The following CAST variants were observed in gnomAD, a reference collection of about 807,000 sequenced individuals.
The protein encoded by CAST is MIR583 host.
A neutral mutation model predicts 119.6 loss-of-function variants in CAST; 76 were observed. The ratio of observed to expected loss-of-function variants is 0.64; its 90% CI spans 0.53 to 0.77. CAST has a LOEUF of 0.77. Ranked by LOEUF, CAST falls within the 30% of genes least tolerant of loss-of-function variation. The pLI is 0.00. For missense variants in CAST, 953 were observed against 946.5 expected (o/e 1.01, Z -0.09); for synonymous variants, 319 against 331.6 (o/e 0.96, Z 0.41).
At chr5:96,561,589 C>T (rs1198576014) in intron 1 of CAST, among the ~76,000 whole-genome samples, 1 of 151,562 alleles carries the variant, frequency 6.6e-6, no homozygotes, top group Non-Finnish European at 1.5e-5. Flanking sequence ...GGAGGGATAA[C>T]ATTAGGAGGA....
At chr5:96,486,710 G>GC in the CAST span, among the ~76,000 whole-genome samples, 2 of 151,736 alleles carry the variant, frequency 1.3e-5, no homozygotes, top group Non-Finnish European at 2.9e-5. Context: ...TGTGTTGGGG[G>GC]GGCAGATTCT....
At chr5:96,586,406 A>C (rs966391814) in intron 1 of CAST, among the ~76,000 whole-genome samples, 1 of 152,230 alleles carries the variant, frequency 6.6e-6, no homozygotes, top group Non-Finnish European at 1.5e-5. Context: ...TTTTTAATTT[A>C]GTGGTTGATA....
chr5:96,715,529 C>T (rs1165024349), intron 3 of CAST, among the ~76,000 whole-genome samples: 1 of 152,194 alleles, frequency 6.6e-6, no homozygotes, highest in East Asian at 1.9e-4. Flanking sequence ...CTTCTCTAAG[C>T]ATCACTTTTC....
At chr5:96,071,392 A>G in the CAST span, among the ~76,000 whole-genome samples, 1 of 152,116 alleles carries the variant, frequency 6.6e-6, no homozygotes, top group South Asian at 2.1e-4. Context: ...TGATTGTAGA[A>G]TCACTTGTCT....
the CAST span, among the ~76,000 whole-genome samples, chr5:95,970,480 A>G: frequency 4.6e-5 from 7 of 152,258 alleles, no homozygotes; most frequent in Non-Finnish European, 7.3e-5. Flanking sequence ...TGCTTTTGGT[A>G]GTAGCCACAT....
At chr5:96,112,930 CT>C in the CAST span, among the ~76,000 whole-genome samples, 1 of 152,176 alleles carries the variant, frequency 6.6e-6, no homozygotes, top group East Asian at 1.9e-4. Context: ...TATCATATCT[CT>C]TTCTATTGAA....
chr5:96,578,489 C>G lies in CAST; in HGVS notation c.60+48609C>G, dbSNP rs372596687. ...ACTATTTGTTTTCTGTTCATTTCTC[C>G]TTGTTTCATTTCCTCTGTTTATCTT... On this transcript the variant is annotated intron_variant, in intron 1 of 11. Coordinates refer to the CAST transcript ENST00000505143. Among the ~76,000 whole-genome samples the G allele has an allele frequency of 7.2e-5, 11 of 151,978 alleles. No homozygotes were observed. The East Asian group carries it at 1.9e-3, about 27-fold the overall frequency.
At chr5:96,196,457 A>G in the CAST span, among the ~76,000 whole-genome samples, 21 of 152,206 alleles carry the variant, frequency 1.4e-4, no homozygotes, top group African/African-American at 5.1e-4. Flanking sequence ...ATGTTCTAAT[A>G]AGGGGAAAAT....
chr5:96,061,910 T>C, the CAST span, among the ~76,000 whole-genome samples: 2 of 151,984 alleles, frequency 1.3e-5, no homozygotes, highest in Non-Finnish European at 2.9e-5. Context: ...TCTAACCGAG[T>C]GGACAGAATG....
the CAST span, among the ~76,000 whole-genome samples, chr5:96,352,864 C>A: frequency 2.6e-5 from 4 of 152,160 alleles, no homozygotes; most frequent in African/African-American, 9.7e-5. Flanking sequence ...GCACTTCCCC[C>A]CTTGCTCTCT....
At chr5:96,551,593 TA>T (rs1312851448) in intron 1 of CAST, among the ~76,000 whole-genome samples, 6 of 151,952 alleles carry the variant, frequency 3.9e-5, no homozygotes, top group African/African-American at 1.5e-4. Context: ...GTAAATGGGC[TA>T]AATGCTCCAA....
At chr5:96,294,792 T>A in the CAST span, among the ~76,000 whole-genome samples, 1 of 152,206 alleles carries the variant, frequency 6.6e-6, no homozygotes. Flanking sequence ...TAGAGGAAAG[T>A]AAATAGTTCT....
chr5:96,076,948 A>G, the CAST span, among the ~76,000 whole-genome samples: 266 of 151,250 alleles, frequency 1.8e-3, 1 homozygote, highest in African/African-American at 6.1e-3. Context: ...CTTTTCATGC[A>G]TATAGATTTT....
intron 22 of CAST, among the ~76,000 whole-genome samples, chr5:96,755,714 C>T (rs894993568): frequency 2.6e-5 from 4 of 152,226 alleles, no homozygotes; most frequent in Admixed American, 6.5e-5. Flanking sequence ...TTAGCAGACA[C>T]GGGAACTAGA....
intron 3 of CAST, among the ~76,000 whole-genome samples, chr5:96,712,728 T>G (rs963352970): frequency 6.6e-6 from 1 of 152,254 alleles, no homozygotes; most frequent in Non-Finnish European, 1.5e-5. Flanking sequence ...TTTGTTCTTC[T>G]TAGGTGGTTT....
the CAST span, among the ~76,000 whole-genome samples, chr5:96,485,845 T>G: frequency 6.6e-6 from 1 of 152,160 alleles, no homozygotes; most frequent in Non-Finnish European, 1.5e-5. Context: ...GAAGCATCCT[T>G]ATTTGTGAAC....
the CAST span, among the ~76,000 whole-genome samples, chr5:95,992,340 T>C: frequency 6.6e-6 from 1 of 151,654 alleles, no homozygotes; most frequent in East Asian, 1.9e-4. Context: ...TTTAACATTA[T>C]CAGTGATGTT....
chr5:96,597,420 C>T (rs1490599757), intron 1 of CAST, among the ~76,000 whole-genome samples: 3 of 152,178 alleles, frequency 2.0e-5, no homozygotes, highest in Admixed American at 1.3e-4. Context: ...GCTGTCTGGA[C>T]GTAATTATAC....
At chr5:95,986,971 G>A in the CAST span, among the ~76,000 whole-genome samples, 1 of 152,154 alleles carries the variant, frequency 6.6e-6, no homozygotes, top group Non-Finnish European at 1.5e-5. Context: ...GAGATGGAGA[G>A]GATGAAGCAG....
Sources: gnomAD v4.1 joint callset for allele counts (sites outside exome capture counted in the v4.1 genomes callset) on GRCh38, gnomAD v4.1.1 for gene constraint, MANE v1.5 for transcripts, NCBI Gene and HGNC (gene_info 2026-07-23, HGNC 2026-07-21) for gene names.